Variants in DDX43 observed in about 807,000 individuals in gnomAD.
The protein encoded by DDX43 is probable ATP-dependent RNA helicase DDX43.
In DDX43, 50 loss-of-function variants were observed where a neutral mutation model predicts 84.9. The ratio of observed to expected loss-of-function variants is 0.59; its 90% CI spans 0.47 to 0.75. The LOEUF is 0.75. DDX43 is among the 30% of genes least tolerant of loss of function. The pLI, the probability that DDX43 is intolerant of heterozygous loss-of-function variation, is 0.00. For synonymous variants in DDX43, 291 were observed against 266.3 expected, an observed-to-expected ratio of 1.09 and a Z score of -0.90; for missense variants, 689 against 798.6, an observed-to-expected ratio of 0.86 and a Z score of 1.65.
chr6:73,407,932 A>G (rs1321369168), intron 8 of DDX43, 28 bp from the exon 9 acceptor site: 14 of 1,598,326 alleles, frequency 8.8e-6, no homozygotes, highest in Non-Finnish European at 1.0e-5. Flanking sequence ...GTGCCTAAAC[A>G]TTAACCTTTA....
chr6:73,406,534 T>C (rs752495489), intron 7 of DDX43, 52 bp downstream of exon 7: 7 of 1,161,470 alleles, frequency 6.0e-6, no homozygotes, highest in Non-Finnish European at 2.5e-6. Flanking sequence ...TAGATTTAGA[T>C]ATCAAAAATG....
At chr6:73,402,183 T>C (rs1264266995) in intron 4 of DDX43, among the ~76,000 whole-genome samples, 193 bp downstream of exon 4, 2 of 152,208 alleles carry the variant, frequency 1.3e-5, no homozygotes, top group East Asian at 3.8e-4. Context: ...AGGGGAAATA[T>C]TAAACCTATT....
In DDX43 at chr6:73,414,084, GT is replaced by G; in HGVS notation, c.1606+8del. 2 of 1,530,050 alleles carry G rather than the reference GT, an allele frequency of 1.3e-6. No individual in the cohort carries two copies. Among genetic ancestry groups the G allele is most frequent in the Non-Finnish European group, 1.8e-6 (2 of 1,104,112 alleles). The allele number at this position is 1,530,050 out of a possible 1,614,324, so 94.8% of individuals were successfully genotyped here. ...CATTAGAGAACTTTAAAACAGGTAT[GT>G]TTATGTAATTAGTATTTCATACAGT... On this transcript the variant is annotated splice_donor_region_variant and intron_variant, in intron 13 of 16. Coordinates refer to ENST00000370336, the MANE Select transcript of DDX43 (RefSeq NM_018665.3).
chr6:73,416,981 G>A (rs1224093267), intron 16 of DDX43, among the ~76,000 whole-genome samples: 1 of 152,216 alleles, frequency 6.6e-6, no homozygotes, highest in Non-Finnish European at 1.5e-5. Context: ...GGAGGTTGCA[G>A]TGAGGTGAGA....
At chr6:73,408,422 A>C (rs1562284956) in intron 9 of DDX43, among the ~76,000 whole-genome samples, 3 of 152,000 alleles carry the variant, frequency 2.0e-5, no homozygotes, top group Admixed American at 6.6e-5. Flanking sequence ...ACAAGAGCGA[A>C]ACTCCATCTC....
At chr6:73,413,019 C>T (rs752352188) in intron 11 of DDX43, among the ~76,000 whole-genome samples, 3 of 152,146 alleles carry the variant, frequency 2.0e-5, no homozygotes, top group Non-Finnish European at 4.4e-5. Flanking sequence ...TGAGCCACCG[C>T]ACCCAGCAAA....
intron 1 of DDX43, among the ~76,000 whole-genome samples, chr6:73,396,983 C>T (rs1769485880): frequency 6.6e-6 from 1 of 152,138 alleles, no homozygotes; most frequent in Admixed American, 6.5e-5. Flanking sequence ...AAATGGGTAG[C>T]TTCCACCTTT....
chr6:73,411,957 C>T (rs916471007), intron 10 of DDX43, among the ~76,000 whole-genome samples: 5 of 152,144 alleles, frequency 3.3e-5, no homozygotes, highest in African/African-American at 4.8e-5. Flanking sequence ...CTTGGCCTCC[C>T]GAAGTGCTGG....
chr6:73,406,299 G>A (rs1401094234), intron 6 of DDX43, 65 bp from the exon 7 acceptor site: 8 of 1,203,138 alleles, frequency 6.6e-6, no homozygotes, highest in Non-Finnish European at 8.5e-6. Context: ...TGGGATTACA[G>A]GCGTGAGCCA....
chr6:73,412,680 T>TGTGTGTGTGCGCGCGCGC, intron 11 of DDX43, among the ~76,000 whole-genome samples: 1 of 108,622 alleles, frequency 9.2e-6, no homozygotes, highest in South Asian at 3.2e-4. Flanking sequence ...CGCGCGCGCG[T>TGTGTGTGTGCGCGCGCGC]GTGTGTGTGT....
Position 73,407,565 on chromosome 6 carries a change from A to C in DDX43, c.987A>C (p.Ala329=), listed in dbSNP as rs752473595. ...TTCTAACTCCCACTCGGGAATTAGC[A>C]CTTCAAGTAGAAGGAGAATGTTGCA... ...MLVLTPTREL[A]LQVEGECCKY... The change falls in exon 8 of 17, where the codon GCA becomes GCC. Residue 329 remains alanine, a synonymous_variant. Coordinates refer to ENST00000370336, the MANE Select transcript of DDX43 (RefSeq NM_018665.3). 6.2e-7 allele frequency: 1 copy of C among 1,614,096 alleles called. No individual in the cohort carries two copies. Among genetic ancestry groups the C allele is most frequent in the Non-Finnish European group, 8.5e-7 (1 of 1,179,948 alleles).
intron 4 of DDX43, among the ~76,000 whole-genome samples, chr6:73,403,427 A>T (rs1769614394): frequency 6.6e-6 from 1 of 152,124 alleles, no homozygotes; most frequent in South Asian, 2.1e-4. Flanking sequence ...CCGAGATTGC[A>T]TCATTGCACT....
intron 10 of DDX43, among the ~76,000 whole-genome samples, chr6:73,410,307 C>T (rs1267793170): frequency 6.6e-6 from 1 of 152,118 alleles, no homozygotes; most frequent in African/African-American, 2.4e-5. Context: ...GCTGGGACTA[C>T]AGGCACACGT....
chr6:73,394,998 G>A lies in DDX43; in HGVS notation c.93G>A (p.Pro31=), dbSNP rs3734515. 4.4e-4 allele frequency: 707 copies of A among 1,614,268 alleles called. 6 individuals are homozygous for A. In the East Asian group the frequency reaches 8.5e-3, roughly 19 times the overall value. The part of the protein sequence containing the change: ...STVSRAPERR[P]AEELNRTGPE... The stretch of plus-strand genomic sequence containing the variant: ...TGTCCCGAGCGCCAGAGAGGAGGCC[G>A]GCGGAGGAGTTGAATCGAACAGGTC... Residue 31 remains proline (P), a synonymous_variant, in exon 1 of 17, where the codon CCG becomes CCA. Coordinates refer to ENST00000370336, the MANE Select transcript of DDX43 (RefSeq NM_018665.3).
At chr6:73,412,988 A>G (rs9343042) in intron 11 of DDX43, among the ~76,000 whole-genome samples, 14,129 of 152,208 alleles carry the variant, frequency 0.093, 807 homozygotes, top group Middle Eastern at 0.19. Flanking sequence ...TTGGCCTCCC[A>G]AAGTGCTGGG....
intron 1 of DDX43, among the ~76,000 whole-genome samples, chr6:73,395,502 T>TA (rs1769449762): frequency 6.6e-6 from 1 of 151,610 alleles, no homozygotes; most frequent in African/African-American, 2.4e-5. Context: ...TAATCCCAGA[T>TA]ACTCCGGAGG....
chr6:73,400,537 A>G (rs1384270427), intron 3 of DDX43, among the ~76,000 whole-genome samples, 174 bp downstream of exon 3: 2 of 152,246 alleles, frequency 1.3e-5, no homozygotes, highest in African/African-American at 4.8e-5. Flanking sequence ...AAATTAAAAT[A>G]CCAGAGCTCT....
chr6:73,404,545 G>A, intron 4 of DDX43, 145 bp from the exon 5 acceptor site: 1 of 671,402 alleles, frequency 1.5e-6, no homozygotes, highest in Non-Finnish European at 2.6e-6. Flanking sequence ...TCTTCGATGG[G>A]AGCAAGCCTC....
intron 1 of DDX43, among the ~76,000 whole-genome samples, chr6:73,395,634 A>AG (rs1562282065): frequency 1.3e-5 from 2 of 151,060 alleles, no homozygotes; most frequent in East Asian, 3.9e-4. Context: ...AAAAAAAAAA[A>AG]GTAATTTAAT....
Sources: gnomAD v4.1 joint callset for allele counts (sites outside exome capture counted in the v4.1 genomes callset) on GRCh38, gnomAD v4.1.1 for gene constraint, MANE v1.5 for transcripts, NCBI Gene and HGNC (gene_info 2026-07-23, HGNC 2026-07-21) for gene names.